Variants in SERPINI1 observed in about 807,000 individuals in gnomAD.
SERPINI1 encodes neuroserpin.
In SERPINI1, 19 loss-of-function variants were observed where a neutral mutation model predicts 41.1. The observed-to-expected ratio is 0.46, with a 90% CI of 0.32 to 0.68. The LOEUF is 0.68. Among genes scored for constraint, SERPINI1 ranks in the 30% least tolerant of loss-of-function variants. SERPINI1 has a pLI of 0.03. For synonymous variants in SERPINI1, 138 were observed against 156.6 expected, an observed-to-expected ratio of 0.88 and a Z score of 0.89; for missense variants, 460 against 479.2, an observed-to-expected ratio of 0.96 and a Z score of 0.37.
intron 1 of SERPINI1, among the ~76,000 whole-genome samples, chr3:167,768,096 A>G (rs974351589): frequency 1.7e-4 from 26 of 152,158 alleles, no homozygotes; most frequent in African/African-American, 6.0e-4. Context: ...CAGAAGAAAT[A>G]TTTTGTGAGA....
intron 1 of SERPINI1, among the ~76,000 whole-genome samples, chr3:167,763,180 A>G (rs944988291): frequency 2.0e-5 from 3 of 152,132 alleles, no homozygotes; most frequent in African/African-American, 7.2e-5. Flanking sequence ...TCTGTTCCTC[A>G]TGGAGCTTGC....
chr3:167,796,562 G>A (rs1727718613), intron 5 of SERPINI1, among the ~76,000 whole-genome samples: 1 of 152,012 alleles, frequency 6.6e-6, no homozygotes, highest in Non-Finnish European at 1.5e-5. Flanking sequence ...CTGTGTCCAT[G>A]TGTTCTAATT....
intron 1 of SERPINI1, among the ~76,000 whole-genome samples, chr3:167,738,677 A>G (rs935738205): frequency 6.6e-6 from 1 of 151,854 alleles, no homozygotes; most frequent in African/African-American, 2.4e-5. Flanking sequence ...TTCAAAATCC[A>G]ATGAATACCA....
chr3:167,796,735 A>AT (rs35791114), intron 5 of SERPINI1, among the ~76,000 whole-genome samples: 46,582 of 150,048 alleles, frequency 0.31, 7,355 homozygotes, highest in African/African-American at 0.36. Context: ...TATGTACAAC[A>AT]TTTTTTTTTT....
At chr3:167,745,633 A>G (rs1725839926) in intron 1 of SERPINI1, among the ~76,000 whole-genome samples, 1 of 152,046 alleles carries the variant, frequency 6.6e-6, no homozygotes, top group South Asian at 2.1e-4. Context: ...TTCTATTCAC[A>G]TATGAATTGG....
chr3:167,823,942 G>A (rs756423210), intron 7 of SERPINI1, among the ~76,000 whole-genome samples: 13 of 152,114 alleles, frequency 8.5e-5, no homozygotes, highest in Non-Finnish European at 1.6e-4. Context: ...AGGATACCTC[G>A]TTGTATCTCT....
At chr3:167,810,120 G>A (rs957503343) in intron 6 of SERPINI1, among the ~76,000 whole-genome samples, 1 of 151,940 alleles carries the variant, frequency 6.6e-6, no homozygotes, top group Admixed American at 6.6e-5. Context: ...TATAAAACTT[G>A]CCCCTTTTTT....
Position 167,768,181 on chromosome 3 carries a change from G to A in SERPINI1, c.-18-20930G>A, listed in dbSNP as rs180866955. Among the ~76,000 whole-genome samples the A allele has an allele frequency of 3.9e-5, 6 of 152,212 alleles. No individual in the cohort carries two copies. The South Asian group carries it at 6.2e-4, about 16-fold the overall frequency. On this transcript the variant is annotated intron_variant, in intron 1 of 8. Coordinates refer to ENST00000446050, the MANE Select transcript of SERPINI1 (RefSeq NM_001122752.2). Reference sequence around the variant, plus strand: ...ACAACCACCCAAACCTTCAGCAACCGCCAGCCTTATCAGTGAGCAGCCATC... The same window carrying A: ...ACAACCACCCAAACCTTCAGCAACCACCAGCCTTATCAGTGAGCAGCCATC...
chr3:167,794,897 C>T (rs1727662162), intron 5 of SERPINI1, 73 bp downstream of exon 5: 2 of 1,158,294 alleles, frequency 1.7e-6, no homozygotes, highest in Non-Finnish European at 2.6e-6. Flanking sequence ...CCCAGAAAAA[C>T]TCTTCGAACT....
chr3:167,824,781 T>G (rs922544681), intron 8 of SERPINI1, among the ~76,000 whole-genome samples: 1 of 152,162 alleles, frequency 6.6e-6, no homozygotes, highest in Non-Finnish European at 1.5e-5. Context: ...GCTCAGACTT[T>G]AATCTCAGCA....
intron 5 of SERPINI1, among the ~76,000 whole-genome samples, chr3:167,801,592 T>C (rs954053134): frequency 7.0e-6 from 1 of 142,232 alleles, no homozygotes; most frequent in Non-Finnish European, 1.5e-5. Context: ...TTTAGCCTTC[T>C]GCAGCCAGGA....
intron 1 of SERPINI1, among the ~76,000 whole-genome samples, chr3:167,749,471 A>G (rs972905423): frequency 4.6e-5 from 7 of 152,226 alleles, no homozygotes; most frequent in African/African-American, 1.7e-4. Flanking sequence ...TATACAAGAC[A>G]ATTGTGACTA....
At chr3:167,760,330 G>A (rs1332528267) in intron 1 of SERPINI1, among the ~76,000 whole-genome samples, 1 of 149,940 alleles carries the variant, frequency 6.7e-6, no homozygotes, top group Non-Finnish European at 1.5e-5. Context: ...CCTGCTGCCA[G>A]CTGGATAACT....
rs560929740 is a variant in SERPINI1, at chr3:167,757,047, A to G, written c.-19+21224A>G. On this transcript the variant is annotated intron_variant, in intron 1 of 8. Transcript: ENST00000446050. ...TTATTAAAGAGAGAAAAGTGCATCT[A>G]TTACTGATTAGGATATTTTTAGGGA... is the stretch of plus-strand genomic sequence containing the variant. 2.6e-5 allele frequency among the ~76,000 whole-genome samples: 4 copies of G among 152,320 alleles called. No homozygotes were observed. The South Asian group carries it at 6.2e-4, about 24-fold the overall frequency.
At chr3:167,795,355 G>A (rs1235649579) in intron 5 of SERPINI1, among the ~76,000 whole-genome samples, 1 of 152,180 alleles carries the variant, frequency 6.6e-6, no homozygotes, top group South Asian at 2.1e-4. Flanking sequence ...AGAATAAGAT[G>A]CACACAATGC....
chr3:167,754,311 G>A (rs1008079475), intron 1 of SERPINI1, among the ~76,000 whole-genome samples: 19 of 152,198 alleles, frequency 1.2e-4, no homozygotes, highest in African/African-American at 4.1e-4. Flanking sequence ...GGGCTACAGA[G>A]ATGCATCTTC....
At chr3:167,822,481 C>A (rs969032187) in intron 6 of SERPINI1, among the ~76,000 whole-genome samples, 7 of 152,126 alleles carry the variant, frequency 4.6e-5, no homozygotes, top group Admixed American at 3.3e-4. Flanking sequence ...TGGAAAGTAA[C>A]TTTTTCATAA....
At chr3:167,771,834 CGT>C (rs72112020) in intron 1 of SERPINI1, among the ~76,000 whole-genome samples, 5,654 of 143,784 alleles carry the variant, frequency 0.039, 134 homozygotes, top group Non-Finnish European at 0.058. Flanking sequence ...TGTGTGTGCG[CGT>C]GTGTGTGTGT....
At position 167,825,505 on chromosome 3, in the gene SERPINI1, G is replaced by C. The variant is rs1455927827; in HGVS notation, c.*182G>C. On this transcript the variant is annotated 3_prime_UTR_variant, in exon 9 of 9. Coordinates refer to ENST00000446050, the MANE Select transcript of SERPINI1 (RefSeq NM_001122752.2). ...GGAATGTTATCAGTATTAAGCTAAT[G>C]GTCCTGTTATGTCATTGTGTTTGTG... 1.7e-6 allele frequency: 1 copy of C among 578,106 alleles called. No homozygotes were observed. The highest frequency in any genetic ancestry group is 2.9e-5 in the Admixed American group (1 of 34,148). 35.8% of individuals were successfully genotyped at this position (578,106 alleles called of 1,614,324 possible).
Sources: gnomAD v4.1 joint callset for allele counts (sites outside exome capture counted in the v4.1 genomes callset) on GRCh38, gnomAD v4.1.1 for gene constraint, MANE v1.5 for transcripts, NCBI Gene and HGNC (gene_info 2026-07-23, HGNC 2026-07-21) for gene names.